Variants in SHISA6 observed in about 807,000 individuals in gnomAD.
SHISA6 encodes the protein shisa family member 6, also known as protein shisa-6.
Under a neutral mutation model 47.9 loss-of-function variants are expected in SHISA6, and 22 were observed. The ratio of observed to expected loss-of-function variants is 0.46; its 90% CI spans 0.33 to 0.66. The LOEUF is 0.66. Ranked by LOEUF, SHISA6 falls within the 30% of genes least tolerant of loss-of-function variation. SHISA6 has a pLI of 0.02. For synonymous variants in SHISA6, 388 were observed against 337.8 expected (o/e 1.15, Z -1.63); for missense variants, 680 against 764.6 (o/e 0.89, Z 1.30).
intron 2 of SHISA6, among the ~76,000 whole-genome samples, chr17:11,358,069 T>G (rs949099615): frequency 6.6e-6 from 1 of 152,208 alleles, no homozygotes; most frequent in African/African-American, 2.4e-5. Context: ...TACCATTTTA[T>G]CCATTTTTAA....
chr17:11,441,068 G>A (rs1385378343), intron 3 of SHISA6, among the ~76,000 whole-genome samples: 1 of 152,118 alleles, frequency 6.6e-6, no homozygotes, highest in Non-Finnish European at 1.5e-5. Context: ...CAGAGCATCA[G>A]CCTCTCCTGA....
At chr17:11,547,651 A>G (rs2071894148) in intron 3 of SHISA6, among the ~76,000 whole-genome samples, 1 of 152,242 alleles carries the variant, frequency 6.6e-6, no homozygotes, top group Admixed American at 6.5e-5. Flanking sequence ...TGAGAAAACA[A>G]TAACAAATGA....
chr17:11,486,545 C>T (rs571291519), intron 3 of SHISA6, among the ~76,000 whole-genome samples: 12 of 152,280 alleles, frequency 7.9e-5, no homozygotes, highest in Middle Eastern at 3.4e-3. Flanking sequence ...CACAGAATGA[C>T]GCAACCAGCA....
At chr17:11,281,811 A>G (rs961797565) in intron 2 of SHISA6, among the ~76,000 whole-genome samples, 9 of 152,228 alleles carry the variant, frequency 5.9e-5, no homozygotes, top group African/African-American at 2.2e-4. Flanking sequence ...GTGTAAAGCT[A>G]TTCAGGGTAT....
chr17:11,260,038 G>A (rs73293745), intron 1 of SHISA6, among the ~76,000 whole-genome samples: 1,812 of 152,302 alleles, frequency 0.012, 54 homozygotes, highest in African/African-American at 0.041. Flanking sequence ...TGAATGCATC[G>A]AGAAATTATT....
chr17:11,526,612 C>T (rs565568413), intron 3 of SHISA6, among the ~76,000 whole-genome samples: 3 of 152,170 alleles, frequency 2.0e-5, no homozygotes, highest in Admixed American at 6.5e-5. Flanking sequence ...TTAACTTCCC[C>T]GATGGTTCAT....
At chr17:11,368,653 G>A (rs549418250) in intron 2 of SHISA6, among the ~76,000 whole-genome samples, 6 of 152,026 alleles carry the variant, frequency 3.9e-5, no homozygotes, top group Middle Eastern at 3.4e-3. Flanking sequence ...CGTTTGTTCG[G>A]TTATTTATTT....
chr17:11,542,027 T>C (rs1597578045), intron 3 of SHISA6, among the ~76,000 whole-genome samples: 2 of 152,234 alleles, frequency 1.3e-5, no homozygotes, highest in East Asian at 3.8e-4. Context: ...GAAGCATTTA[T>C]GGTTGAACAA....
At chr17:11,377,191 C>T (rs191990729) in intron 2 of SHISA6, among the ~76,000 whole-genome samples, 3,573 of 152,242 alleles carry the variant, frequency 0.023, 107 homozygotes, top group African/African-American at 0.068. Context: ...GCTCTTGGTG[C>T]TGCCTCATTA....
At chr17:11,415,756 G>T (rs200689768) in intron 3 of SHISA6, among the ~76,000 whole-genome samples, 1 of 135,746 alleles carries the variant, frequency 7.4e-6, no homozygotes, top group East Asian at 2.1e-4. Flanking sequence ...TCTTTTTTTT[G>T]CTATAGGATT....
At chr17:11,276,472 T>C (rs1258582822) in intron 2 of SHISA6, among the ~76,000 whole-genome samples, 1 of 152,340 alleles carries the variant, frequency 6.6e-6, no homozygotes, top group Non-Finnish European at 1.5e-5. Flanking sequence ...CAATGGAATA[T>C]TTGCAAGAAT....
chr17:11,476,318 T>C (rs1916049384), intron 3 of SHISA6, among the ~76,000 whole-genome samples: 1 of 152,052 alleles, frequency 6.6e-6, no homozygotes, highest in South Asian at 2.1e-4. Context: ...GCTTCTTTAC[T>C]TCTGTTCATT....
At chr17:11,308,816 G>C (rs1339567010) in intron 2 of SHISA6, among the ~76,000 whole-genome samples, 5 of 152,180 alleles carry the variant, frequency 3.3e-5, no homozygotes, top group African/African-American at 1.2e-4. Context: ...GTTATGTAAA[G>C]GGAAGAACAG....
intron 3 of SHISA6, among the ~76,000 whole-genome samples, chr17:11,393,018 T>G (rs147243264): frequency 0.037 from 5,583 of 152,346 alleles, 188 homozygotes; most frequent in Admixed American, 0.088. Context: ...GCCTCGCTCT[T>G]GAGCATTTGC....
intron 2 of SHISA6, among the ~76,000 whole-genome samples, chr17:11,337,980 G>A (rs1911381919): frequency 6.6e-6 from 1 of 152,180 alleles, no homozygotes; most frequent in African/African-American, 2.4e-5. Flanking sequence ...AGGAAGTCTT[G>A]GAAGAAGAGT....
At chr17:11,538,757 G>C (rs1452721350) in intron 3 of SHISA6, among the ~76,000 whole-genome samples, 5 of 152,118 alleles carry the variant, frequency 3.3e-5, no homozygotes, top group Admixed American at 3.3e-4. Context: ...AAACTCGTTG[G>C]CCTTAAGCAT....
At chr17:11,515,169 C>T (rs1567626373) in intron 3 of SHISA6, among the ~76,000 whole-genome samples, 1 of 149,092 alleles carries the variant, frequency 6.7e-6, no homozygotes, top group Admixed American at 6.7e-5. Flanking sequence ...CAGAAGAACC[C>T]TTAGAAAATG....
intron 2 of SHISA6, among the ~76,000 whole-genome samples, chr17:11,376,973 T>C (rs182647836): frequency 1.3e-5 from 2 of 152,308 alleles, no homozygotes; most frequent in East Asian, 3.9e-4. Flanking sequence ...AAACTGTCAT[T>C]GTGCTTTTTC....
intron 3 of SHISA6, among the ~76,000 whole-genome samples, chr17:11,502,643 C>T (rs1315526721): frequency 6.6e-6 from 1 of 151,974 alleles, no homozygotes; most frequent in Non-Finnish European, 1.5e-5. Flanking sequence ...AGGAGAATCG[C>T]TTGAACCCAG....
Sources: allele counts gnomAD v4.1 joint callset (sites outside exome capture counted in the v4.1 genomes callset), GRCh38; gene constraint gnomAD v4.1.1; transcripts MANE v1.5; gene names NCBI Gene and HGNC (gene_info 2026-07-23, HGNC 2026-07-21).